Variants in COL26A1 observed in about 807,000 individuals in gnomAD.
COL26A1 encodes the protein collagen type XXVI alpha 1 chain.
A neutral mutation model predicts 59.3 loss-of-function variants in COL26A1; 41 were observed. That is an observed-to-expected ratio of 0.69 (90% CI 0.54 to 0.90). The LOEUF is 0.90. Among genes scored for constraint, COL26A1 ranks in the 40% least tolerant of loss-of-function variants. The probability of loss-of-function intolerance (pLI) is 0.00; values close to 1 mark genes in which losing one functional copy is unlikely to be tolerated. For missense variants in COL26A1, 612 were observed against 602.3 expected, an observed-to-expected ratio of 1.02 and a Z score of -0.17; for synonymous variants, 266 against 256.0, an observed-to-expected ratio of 1.04 and a Z score of -0.37.
At chr7:101,500,845 G>C (rs944567271) in intron 3 of COL26A1, among the ~76,000 whole-genome samples, 1 of 151,334 alleles carries the variant, frequency 6.6e-6, no homozygotes, top group Non-Finnish European at 1.5e-5. Context: ...TAAATAAATA[G>C]ATAAAAAAAG....
At chr7:101,362,772 G>A (rs970881322), upstream of COL26A1, 4 of 499,702 alleles carry the variant, frequency 8.0e-6, no homozygotes, top group Non-Finnish European at 1.4e-5. Context: ...CCGCCTCCTC[G>A]GCCCCGGACC....
At chr7:101,409,912 C>G (rs1792206034) in intron 1 of COL26A1, among the ~76,000 whole-genome samples, 1 of 152,136 alleles carries the variant, frequency 6.6e-6, no homozygotes, top group Non-Finnish European at 1.5e-5. Context: ...AGGTGCCCAC[C>G]ACCACGCCCG....
intron 1 of COL26A1, among the ~76,000 whole-genome samples, chr7:101,377,483 G>C (rs1283830118): frequency 6.6e-6 from 1 of 152,114 alleles, no homozygotes; most frequent in African/African-American, 2.4e-5. Context: ...GGAATGCAGT[G>C]ATGTGATCAC....
intron 3 of COL26A1, among the ~76,000 whole-genome samples, chr7:101,499,953 G>A (rs1794667299): frequency 6.6e-6 from 1 of 151,842 alleles, no homozygotes; most frequent in Non-Finnish European, 1.5e-5. Flanking sequence ...ACAGTGGGTA[G>A]GGGCAGTGTT....
At chr7:101,424,182 CAG>C (rs1460349287) in intron 2 of COL26A1, among the ~76,000 whole-genome samples, 2 of 152,216 alleles carry the variant, frequency 1.3e-5, no homozygotes, top group African/African-American at 2.4e-5. Context: ...GCCTGGGCGA[CAG>C]AGCGAGACCG....
intron 4 of COL26A1, among the ~76,000 whole-genome samples, chr7:101,534,009 G>C (rs903702521): frequency 1.3e-5 from 2 of 152,228 alleles, no homozygotes; most frequent in Non-Finnish European, 2.9e-5. Flanking sequence ...GACAAGCCCC[G>C]TTCTCACCCA....
intron 1 of COL26A1, among the ~76,000 whole-genome samples, chr7:101,369,204 C>T (rs1405478400): frequency 5.9e-5 from 9 of 151,988 alleles, no homozygotes; most frequent in South Asian, 4.1e-4. Context: ...GTCAGGAGTT[C>T]GAGACCAGCC....
intron 3 of COL26A1, among the ~76,000 whole-genome samples, chr7:101,493,174 T>C (rs1009840106): frequency 2.0e-5 from 3 of 152,146 alleles, no homozygotes; most frequent in African/African-American, 2.4e-5. Context: ...AAAGTGTGTC[T>C]TTCCCCATCT....
intron 1 of COL26A1, among the ~76,000 whole-genome samples, chr7:101,366,282 C>G (rs1453719105): frequency 6.6e-6 from 1 of 152,108 alleles, no homozygotes; most frequent in Non-Finnish European, 1.5e-5. Flanking sequence ...CTATCTATCA[C>G]AAGTGTCCCT....
chr7:101,506,837 T>C (rs1214786900), intron 3 of COL26A1, among the ~76,000 whole-genome samples: 4 of 152,106 alleles, frequency 2.6e-5, no homozygotes, highest in African/African-American at 9.7e-5. Flanking sequence ...GTCCAATCCC[T>C]CTCCAACTTC....
chr7:101,528,331 C>G (rs1189513137), intron 3 of COL26A1, among the ~76,000 whole-genome samples: 1 of 152,192 alleles, frequency 6.6e-6, no homozygotes, highest in Non-Finnish European at 1.5e-5. Flanking sequence ...TTGAAACACT[C>G]TGCTCAAGGC....
chr7:101,529,205 G>C (rs1039577248), intron 3 of COL26A1, among the ~76,000 whole-genome samples: 1 of 152,170 alleles, frequency 6.6e-6, no homozygotes, highest in East Asian at 1.9e-4. Flanking sequence ...GGGGTTATAT[G>C]TGCTTGTTTG....
At chr7:101,442,929 G>C (rs1793097211) in intron 2 of COL26A1, among the ~76,000 whole-genome samples, 1 of 145,436 alleles carries the variant, frequency 6.9e-6, no homozygotes, top group Non-Finnish European at 1.6e-5. Context: ...GAGCAAATGA[G>C]TGTGTGACTG....
intron 3 of COL26A1, 76 bp downstream of exon 3, chr7:101,447,863 C>T (rs1793239149): frequency 1.2e-6 from 1 of 861,268 alleles, no homozygotes; most frequent in South Asian, 1.4e-5. Context: ...CTGGCCTCCT[C>T]CTGCAAGCAG....
chr7:101,473,288 G>A lies in COL26A1; in HGVS notation c.385+25501G>A, dbSNP rs376517226. 4.6e-5 allele frequency among the ~76,000 whole-genome samples: 7 copies of A among 151,446 alleles called. No individual in the cohort carries two copies. In the East Asian group the frequency reaches 5.8e-4, roughly 13 times the overall value. On this transcript the variant is annotated intron_variant, in intron 3 of 12. Transcript: ENST00000313669. Reference sequence around the variant, plus strand: ...TAGAGACAGGGTTTCACCATTCACCGCATGGTCTTGATCTCCTGACCTTGT... The same window carrying A: ...TAGAGACAGGGTTTCACCATTCACCACATGGTCTTGATCTCCTGACCTTGT...
At chr7:101,369,518 G>A (rs1389597028) in intron 1 of COL26A1, among the ~76,000 whole-genome samples, 4 of 134,434 alleles carry the variant, frequency 3.0e-5, no homozygotes, top group African/African-American at 5.6e-5. Context: ...GCGCAATCTC[G>A]GCTCACTGCA....
chr7:101,525,401 TTGATCTCCTGAAGTCG>T (rs1181150051), intron 3 of COL26A1, among the ~76,000 whole-genome samples: 1 of 151,762 alleles, frequency 6.6e-6, no homozygotes, highest in African/African-American at 2.4e-5. Context: ...CAGGATGGTC[TTGATCTCCTGAAGTCG>T]TGATCTGCCC....
At chr7:101,411,647 G>A (rs1421398762) in intron 1 of COL26A1, among the ~76,000 whole-genome samples, 2 of 152,152 alleles carry the variant, frequency 1.3e-5, no homozygotes, top group Non-Finnish European at 2.9e-5. Context: ...GATGGATTCA[G>A]TTGGATTGGA....
chr7:101,513,992 A>C (rs532642126), intron 3 of COL26A1, among the ~76,000 whole-genome samples: 4 of 152,086 alleles, frequency 2.6e-5, no homozygotes, highest in Non-Finnish European at 2.9e-5. Flanking sequence ...TGGCTCAAAA[A>C]CCTGTGAAAA....
Sources: allele counts gnomAD v4.1 joint callset (sites outside exome capture counted in the v4.1 genomes callset), GRCh38; gene constraint gnomAD v4.1.1; transcripts MANE v1.5; gene names NCBI Gene and HGNC (gene_info 2026-07-23, HGNC 2026-07-21).